The following CCDC186 variants were observed in gnomAD, a reference collection of about 807,000 sequenced individuals.
The protein encoded by CCDC186 is coiled-coil domain containing 186.
A neutral mutation model predicts 113.7 loss-of-function variants in CCDC186; 49 were observed. That is an observed-to-expected ratio of 0.43 (90% CI 0.34 to 0.55). The LOEUF is 0.55. CCDC186 is among the 20% of genes least tolerant of loss of function. The pLI is 0.02. For synonymous variants in CCDC186, 355 were observed against 345.8 expected (o/e 1.03, Z -0.30); for missense variants, 890 against 1,011.1 (o/e 0.88, Z 1.62).
At chr10:114,167,730 A>G (rs1332687143) in intron 1 of CCDC186, among the ~76,000 whole-genome samples, 1 of 142,694 alleles carries the variant, frequency 7.0e-6, no homozygotes, top group Non-Finnish European at 1.5e-5. Context: ...TGGAAGGCTG[A>G]TGTGGAAGGA....
At chr10:114,161,834 C>G (rs2032176586) in intron 2 of CCDC186, 1 of 151,850 alleles carries the variant, frequency 6.6e-6, no homozygotes, top group Non-Finnish European at 1.5e-5. Context: ...TATATACATA[C>G]AATGCAATAT....
intron 3 of CCDC186, among the ~76,000 whole-genome samples, chr10:114,154,233 GA>G (rs1297055810): frequency 1.4e-5 from 2 of 138,104 alleles, no homozygotes; most frequent in Non-Finnish European, 3.2e-5. Context: ...AAAAAGAAAA[GA>G]AAAAGAAAAA....
intron 1 of CCDC186, chr10:114,173,025 T>G: frequency 3.4e-6 from 1 of 296,408 alleles, no homozygotes. Flanking sequence ...GCACACCTCT[T>G]GAAACCCTGA....
At position 114,124,429 on chromosome 10, in the gene CCDC186, T is replaced by C. The variant is rs2030824708; in HGVS notation, c.*714A>G. 2 of 152,198 alleles carry C rather than the reference T, an allele frequency of 1.3e-5. No homozygotes were observed. The highest frequency in any genetic ancestry group is 1.3e-4 in the Admixed American group (2 of 15,278). The allele number at this position is 152,198 out of a possible 1,614,324, so 9.4% of individuals were successfully genotyped here. On this transcript the variant is annotated 3_prime_UTR_variant, in exon 16 of 16. Transcript: ENST00000369287. ...AAAATATAAGTAAACACAGGAATTT[T>C]CTAAATTAATATGTAATTTAAAATC...
At chr10:114,161,114 A>C (rs116570577) in intron 2 of CCDC186, among the ~76,000 whole-genome samples, 398 of 152,354 alleles carry the variant, frequency 2.6e-3, no homozygotes, top group African/African-American at 9.0e-3. Flanking sequence ...AGCAAAAAAG[A>C]GAAACCAATT....
chr10:114,150,663 T>G (rs947327932), intron 4 of CCDC186, among the ~76,000 whole-genome samples: 2 of 152,236 alleles, frequency 1.3e-5, no homozygotes, highest in African/African-American at 2.4e-5. Flanking sequence ...TTACTATTTT[T>G]TTTTAGACAG....
chr10:114,163,472 G>A, intron 1 of CCDC186, 143 bp from the exon 2 acceptor site: 2 of 703,230 alleles, frequency 2.8e-6, no homozygotes, highest in East Asian at 3.0e-5. Flanking sequence ...TGAGAAAAAA[G>A]AAAAAGGACT....
chr10:114,152,434 T>C (rs1358601973), intron 3 of CCDC186, among the ~76,000 whole-genome samples: 2 of 152,064 alleles, frequency 1.3e-5, no homozygotes, highest in African/African-American at 2.4e-5. Flanking sequence ...TCAGTGCTAT[T>C]GACAATTTCA....
At chr10:114,153,583 C>T (rs1002284549) in intron 3 of CCDC186, among the ~76,000 whole-genome samples, 10 of 151,310 alleles carry the variant, frequency 6.6e-5, no homozygotes, top group Non-Finnish European at 1.2e-4. Context: ...GTCAGGAGTT[C>T]GAGACCAGCC....
chr10:114,125,736 T>C (rs967994992), intron 15 of CCDC186, 150 bp downstream of exon 15: 9 of 626,912 alleles, frequency 1.4e-5, no homozygotes, highest in Non-Finnish European at 2.1e-5. Flanking sequence ...ACTATACTTT[T>C]TAAAAAGAGA....
At chr10:114,128,845 TA>T (rs1194717943) in intron 13 of CCDC186, among the ~76,000 whole-genome samples, 1 of 152,220 alleles carries the variant, frequency 6.6e-6, no homozygotes, top group Non-Finnish European at 1.5e-5. Flanking sequence ...CACATATATG[TA>T]AAAATCTGAT....
In CCDC186 at chr10:114,140,473, CAT is replaced by C. The variant is rs527588336; in HGVS notation, c.1222-3185_1222-3184del. On this transcript the variant is annotated intron_variant, in intron 6 of 15. Coordinates refer to ENST00000369287, the MANE Select transcript of CCDC186 (RefSeq NM_018017.4). ...GGTACATTTTTAGTTCAATTTTAGA[CAT>C]GTTAAGTTTAAGATGCCTTAAGTCA... 3.3e-5 allele frequency among the ~76,000 whole-genome samples: 5 copies of C among 152,294 alleles called. No homozygotes were observed. The South Asian group carries it at 1.0e-3, about 32-fold the overall frequency.
chr10:114,125,286 A>T, intron 15 of CCDC186, 60 bp from the exon 16 acceptor site: 1 of 1,290,906 alleles, frequency 7.7e-7, no homozygotes, highest in Non-Finnish European at 1.1e-6. Context: ...TAAATAAAAC[A>T]ATTCAGTTTG....
intron 1 of CCDC186, 86 bp from the exon 2 acceptor site, chr10:114,163,415 T>A: frequency 1.9e-6 from 2 of 1,051,058 alleles, no homozygotes; most frequent in Non-Finnish European, 2.7e-6. Context: ...GTGGAATAAC[T>A]AACACCACAA....
At chr10:114,164,055 A>G (rs1171613768) in intron 1 of CCDC186, among the ~76,000 whole-genome samples, 2 of 139,566 alleles carry the variant, frequency 1.4e-5, no homozygotes, top group African/African-American at 5.4e-5. Flanking sequence ...TATTAATTTG[A>G]CCAAGTTAGA....
chr10:114,130,147 A>C, intron 12 of CCDC186, 176 bp from the exon 13 acceptor site: 1 of 483,036 alleles, frequency 2.1e-6, no homozygotes, highest in East Asian at 3.8e-5. Flanking sequence ...TGGAAATGTA[A>C]AAGTCAAGTA....
chr10:114,127,768 T>C, intron 13 of CCDC186, 97 bp from the exon 14 acceptor site: 1 of 1,122,594 alleles, frequency 8.9e-7, no homozygotes. Context: ...AAATATTCAC[T>C]CTAACAGAGT....
At chr10:114,151,739 GGAC>G (rs2031863505) in intron 3 of CCDC186, among the ~76,000 whole-genome samples, 1 of 152,274 alleles carries the variant, frequency 6.6e-6, no homozygotes. Context: ...GACTATGGCA[GGAC>G]GACAGTGCTT....
chr10:114,135,713 G>C (rs572663912), intron 9 of CCDC186, among the ~76,000 whole-genome samples, 178 bp downstream of exon 9: 1 of 152,272 alleles, frequency 6.6e-6, no homozygotes, highest in Admixed American at 6.5e-5. Flanking sequence ...TAACATGGAA[G>C]ACATTTTCCT....
Sources: gnomAD v4.1 joint callset for allele counts (sites outside exome capture counted in the v4.1 genomes callset) on GRCh38, gnomAD v4.1.1 for gene constraint, MANE v1.5 for transcripts, NCBI Gene and HGNC (gene_info 2026-07-23, HGNC 2026-07-21) for gene names.